Variants in MAPKAP1 observed in about 807,000 individuals in gnomAD.
MAPKAP1 encodes the protein MAPK associated protein 1.
MAPKAP1 carries 20 observed loss-of-function variants against 65.7 expected under a neutral mutation model. The ratio of observed to expected loss-of-function variants is 0.30; its 90% confidence interval spans 0.21 to 0.44. MAPKAP1 has a LOEUF of 0.44. Among genes scored for constraint, MAPKAP1 ranks in the 20% least tolerant of loss-of-function variants. The pLI is 1.00. For missense variants in MAPKAP1, 423 were observed against 648.0 expected, an observed-to-expected ratio of 0.65 and a Z score of 3.77; for synonymous variants, 222 against 244.3, an observed-to-expected ratio of 0.91 and a Z score of 0.85.
intron 9 of MAPKAP1, among the ~76,000 whole-genome samples, chr9:125,479,408 C>T (rs1589224541): frequency 6.6e-6 from 1 of 152,054 alleles, no homozygotes; most frequent in East Asian, 1.9e-4. Flanking sequence ...GGGGAAACCC[C>T]GTCTCTACTA....
At chr9:125,690,891 C>T (rs1384508146) in intron 1 of MAPKAP1, among the ~76,000 whole-genome samples, 1 of 152,096 alleles carries the variant, frequency 6.6e-6, no homozygotes, top group African/African-American at 2.4e-5. Flanking sequence ...GAAGATAGCC[C>T]AGAGATGATG....
chr9:125,661,390 G>A (rs1171624553), intron 3 of MAPKAP1, among the ~76,000 whole-genome samples: 1 of 152,170 alleles, frequency 6.6e-6, no homozygotes, highest in African/African-American at 2.4e-5. Flanking sequence ...GGTGCCATTT[G>A]CAAAAGCAAA....
chr9:125,696,431 AAC>A (rs1835387505), intron 1 of MAPKAP1: 1 of 151,808 alleles, frequency 6.6e-6, no homozygotes, highest in African/African-American at 2.4e-5. Context: ...ACAAAAAAAA[AAC>A]AAAAAACAAA....
intron 5 of MAPKAP1, among the ~76,000 whole-genome samples, chr9:125,570,922 T>C (rs1286875524): frequency 7.0e-6 from 1 of 143,082 alleles, no homozygotes; most frequent in Non-Finnish European, 1.5e-5. Context: ...TGCTCTTTCA[T>C]AAAAAAAAAA....
At position 125,595,940 on chromosome 9, in the gene MAPKAP1, A is replaced by C; in HGVS notation, c.499-10213T>G. 1 of 1,390,820 alleles carries C rather than the reference A, an allele frequency of 7.2e-7. No homozygotes were observed. The highest frequency in any genetic ancestry group is 1.0e-6 in the Non-Finnish European group (1 of 992,108). 86.2% of individuals were successfully genotyped at this position (1,390,820 alleles called of 1,614,324 possible). On this transcript the variant is annotated intron_variant, in intron 4 of 11. Coordinates refer to ENST00000265960, the MANE Select transcript of MAPKAP1 (RefSeq NM_001006617.3). The surrounding 1 kb of genome is among the most constrained non-coding windows in gnomAD (Gnocchi z 4.0). ...TGGAACCAAAGAGAGCTGTCTCAAGAGAAGATTCTCAAAGACCAGGTGCCC... is the reference window on the plus strand; with the variant it reads ...TGGAACCAAAGAGAGCTGTCTCAAGCGAAGATTCTCAAAGACCAGGTGCCC...
chr9:125,464,860 T>C (rs1265756514), intron 10 of MAPKAP1, among the ~76,000 whole-genome samples: 4 of 152,360 alleles, frequency 2.6e-5, no homozygotes, highest in Non-Finnish European at 4.4e-5. Flanking sequence ...TTGAGTTCTA[T>C]GCCTTATGAC....
chr9:125,457,234 C>T (rs560993809), intron 10 of MAPKAP1, among the ~76,000 whole-genome samples: 1 of 152,236 alleles, frequency 6.6e-6, no homozygotes, highest in South Asian at 2.1e-4. Flanking sequence ...GGTGATCTAC[C>T]CACCTCGGCC....
chr9:125,592,549 A>C (rs1299449516), intron 4 of MAPKAP1, among the ~76,000 whole-genome samples: 2 of 152,234 alleles, frequency 1.3e-5, no homozygotes, highest in Admixed American at 1.3e-4. Flanking sequence ...GGTGAGGGAA[A>C]GAGAGGATCG....
rs572720616 is a variant in MAPKAP1 at position 125,554,320 on chromosome 9, T to C, written c.848+5313A>G. ...CAGTCAGGCAGAGCCCACTTATGTA[T>C]AGACCAAGCAACAGATAAAGTAGAG... On this transcript the variant is annotated intron_variant, in intron 6 of 11. Transcript: ENST00000265960. Among the ~76,000 whole-genome samples, 21 of 152,218 alleles carry C rather than the reference T, an allele frequency of 1.4e-4. No individual in the cohort carries two copies. The South Asian group carries it at 3.1e-3, about 23-fold the overall frequency.
At chr9:125,571,831 C>T (rs1483470354) in intron 5 of MAPKAP1, among the ~76,000 whole-genome samples, 1 of 152,118 alleles carries the variant, frequency 6.6e-6, no homozygotes, top group African/African-American at 2.4e-5. Flanking sequence ...CCACTGCACT[C>T]CAGCCTGCTC....
rs145164497 is a variant in MAPKAP1, at chr9:125,580,332, T to C, written c.671+5223A>G. Reference sequence around the variant, plus strand: ...CTGGATTAAGAAAATGTGGCACATATACACCATGGAATACTATGCAGCCGT... The same window carrying C: ...CTGGATTAAGAAAATGTGGCACATACACACCATGGAATACTATGCAGCCGT... On this transcript the variant is annotated intron_variant, in intron 5 of 11. Transcript: ENST00000265960. 4.5e-3 allele frequency among the ~76,000 whole-genome samples: 691 copies of C among 152,252 alleles called. 6 individuals are homozygous for C. The highest frequency in any genetic ancestry group is 0.016 in the African/African-American group (663 of 41,548).
At chr9:125,567,180 C>T (rs1294412333) in intron 5 of MAPKAP1, among the ~76,000 whole-genome samples, 1 of 152,236 alleles carries the variant, frequency 6.6e-6, no homozygotes, top group Non-Finnish European at 1.5e-5. Flanking sequence ...CTGCCTACCT[C>T]TCGGTCTCAT....
At chr9:125,693,662 C>CGTAT (rs1157778497) in intron 1 of MAPKAP1, among the ~76,000 whole-genome samples, 20 of 141,980 alleles carry the variant, frequency 1.4e-4, no homozygotes, top group African/African-American at 5.3e-4. Flanking sequence ...TATACATACA[C>CGTAT]ACACATATAC....
intron 4 of MAPKAP1, among the ~76,000 whole-genome samples, chr9:125,645,915 G>A (rs1833713132): frequency 6.6e-6 from 1 of 152,058 alleles, no homozygotes; most frequent in Non-Finnish European, 1.5e-5. Flanking sequence ...TTCCGATCAT[G>A]TAAAATTATT....
intron 3 of MAPKAP1, among the ~76,000 whole-genome samples, chr9:125,660,392 T>C (rs1834150022): frequency 6.6e-6 from 1 of 152,176 alleles, no homozygotes; most frequent in South Asian, 2.1e-4. Flanking sequence ...GAGCTGTACA[T>C]TTAATATCTG....
At chr9:125,706,015 T>C (rs1234242158) in intron 1 of MAPKAP1, among the ~76,000 whole-genome samples, 1 of 152,112 alleles carries the variant, frequency 6.6e-6, no homozygotes, top group Admixed American at 6.6e-5. Flanking sequence ...AAGGTAGGCA[T>C]GAGCACACAG....
intron 7 of MAPKAP1, among the ~76,000 whole-genome samples, chr9:125,529,912 CTTCTT>C (rs1312275626): frequency 6.6e-6 from 1 of 152,204 alleles, no homozygotes; most frequent in African/African-American, 2.4e-5. Flanking sequence ...AGCTATTTTT[CTTCTT>C]TTCTTTATAA....
At chr9:125,602,246 T>C (rs2075598643) in intron 4 of MAPKAP1, among the ~76,000 whole-genome samples, 1 of 151,936 alleles carries the variant, frequency 6.6e-6, no homozygotes, top group Non-Finnish European at 1.5e-5. Flanking sequence ...GAGGGAGACC[T>C]TGTCTCAAAA....
intron 4 of MAPKAP1, among the ~76,000 whole-genome samples, chr9:125,597,870 C>T (rs1832185615): frequency 6.6e-6 from 1 of 152,070 alleles, no homozygotes; most frequent in African/African-American, 2.4e-5. Flanking sequence ...CAAGAAGGAC[C>T]AAAGGATGCT....
Sources: allele counts gnomAD v4.1 joint callset (sites outside exome capture counted in the v4.1 genomes callset), GRCh38; gene constraint gnomAD v4.1.1; non-coding constraint Gnocchi (gnomAD v3.1); transcripts MANE v1.5; gene names NCBI Gene and HGNC (gene_info 2026-07-23, HGNC 2026-07-21).